SERPINB8: variants seen among roughly 807,000 people sequenced by gnomAD.
The protein encoded by SERPINB8 is serpin family B member 8, also known as serpin B8.
A neutral mutation model predicts 35.3 loss-of-function variants in SERPINB8; 25 were observed. That is an observed-to-expected ratio of 0.71 (90% CI 0.52 to 0.99). SERPINB8 has a LOEUF of 0.99. Among genes scored for constraint, SERPINB8 ranks in the 50% least tolerant of loss-of-function variants. SERPINB8 has a pLI of 0.00. For missense variants in SERPINB8, 484 were observed against 446.5 expected, an observed-to-expected ratio of 1.08 and a Z score of -0.76; for synonymous variants, 186 against 160.8, an observed-to-expected ratio of 1.16 and a Z score of -1.19.
At chr18:63,975,023 G>A (rs2050558811) in intron 1 of SERPINB8, among the ~76,000 whole-genome samples, 2 of 152,020 alleles carry the variant, frequency 1.3e-5, no homozygotes. Context: ...CAGTTAAAAT[G>A]TAAAGATGAG....
intron 5 of SERPINB8, among the ~76,000 whole-genome samples, chr18:63,984,361 C>T (rs910093807): frequency 1.3e-5 from 2 of 152,178 alleles, no homozygotes; most frequent in African/African-American, 2.4e-5. Flanking sequence ...TAGTTAGATA[C>T]CTTTTTGCAA....
chr18:63,980,245 A>T lies in SERPINB8; in HGVS notation c.306+307A>T, dbSNP rs1944268. On this transcript the variant is annotated intron_variant, in intron 3 of 6. Coordinates refer to ENST00000397985, the MANE Select transcript of SERPINB8 (RefSeq NM_002640.4). ...TGTACAGAGCTCCTCCCCAGTCCCA[A>T]GTGTGGTTATTCGGCTGCCTCCTGC... is the stretch of plus-strand genomic sequence containing the variant. Among the ~76,000 whole-genome samples the T allele has an allele frequency of 0.71, 107,910 of 152,038 alleles. 39,088 individuals are homozygous for T. The highest frequency in any genetic ancestry group is 0.84 in the African/African-American group (34,802 of 41,486).
Position 63,994,545 on chromosome 18 carries a change from C to G in SERPINB8, c.70+9300C>G, listed in dbSNP as rs142413062. Among the ~76,000 whole-genome samples the G allele has an allele frequency of 5.9e-5, 9 of 152,214 alleles. 2 individuals carry two copies. Among genetic ancestry groups the G allele is most frequent in the African/African-American group, 2.2e-4 (9 of 41,536 alleles). ...GGTGCCAGTGGACCCCGCAGGGCACCCTTAGAGTGTGCTAATGTGTTGTTT... is the reference window on the plus strand; with the variant it reads ...GGTGCCAGTGGACCCCGCAGGGCACGCTTAGAGTGTGCTAATGTGTTGTTT... On this transcript the variant is annotated intron_variant, in intron 1 of 1. Coordinates refer to the SERPINB8 transcript ENST00000493661.
downstream of SERPINB8, among the ~76,000 whole-genome samples, chr18:64,007,471 T>C (rs550015411): frequency 2.8e-4 from 43 of 152,322 alleles, no homozygotes; most frequent in African/African-American, 1.0e-3. Context: ...ACTCTTCAAC[T>C]AATTTTATAA....
At chr18:63,992,947 T>C (rs483842), downstream of SERPINB8, among the ~76,000 whole-genome samples, 31,600 of 152,086 alleles carry the variant, frequency 0.21, 4,362 homozygotes, top group African/African-American at 0.4. Flanking sequence ...AGTAGATAAC[T>C]TCAAGGAGCC....
downstream of SERPINB8, among the ~76,000 whole-genome samples, chr18:64,006,984 A>G (rs1030543332): frequency 6.6e-6 from 1 of 152,118 alleles, no homozygotes; most frequent in African/African-American, 2.4e-5. Context: ...AAATAAAAGA[A>G]GATACTTATG....
chr18:64,009,156 A>T (rs1020850171), downstream of SERPINB8, among the ~76,000 whole-genome samples: 1 of 152,226 alleles, frequency 6.6e-6, no homozygotes, highest in African/African-American at 2.4e-5. Flanking sequence ...CAAGATTGTT[A>T]TGTTGAAAAT....
At position 63,989,218 on chromosome 18, in the gene SERPINB8, G is replaced by T. The variant is rs1001007362; in HGVS notation, c.*1940G>T. The T allele has an allele frequency of 6.6e-6, 1 of 152,182 alleles. No individual in the cohort carries two copies. The highest frequency in any genetic ancestry group is 1.5e-5 in the Non-Finnish European group (1 of 68,030). The allele number at this position is 152,182 out of a possible 1,614,324, so 9.4% of individuals were successfully genotyped here. A position where few individuals can be genotyped will look rare whatever the true frequency, so the allele number is the denominator to read the frequency against. ...TTGAGATTCATTTATGTTATTGTAT[G>T]TATCAATAGTTCATCCCTTTTATTG... On this transcript the variant is annotated 3_prime_UTR_variant, in exon 7 of 7. Transcript: ENST00000397985.
At chr18:64,004,709 G>A (rs940236355) in intron 1 of SERPINB8, 1 of 396,562 alleles carries the variant, frequency 2.5e-6, no homozygotes, top group Non-Finnish European at 4.4e-6. Context: ...ATCTAGCAAT[G>A]GTGCCACACT....
At chr18:64,010,751 A>T (rs777880289) in intron 7 of SERPINB8, among the ~76,000 whole-genome samples, 1 of 152,086 alleles carries the variant, frequency 6.6e-6, no homozygotes, top group Non-Finnish European at 1.5e-5. Context: ...ACTGATCATT[A>T]TGTTTTTTTA....
At chr18:64,018,228 A>G (rs1314056616) in intron 7 of SERPINB8, among the ~76,000 whole-genome samples, 3 of 152,118 alleles carry the variant, frequency 2.0e-5, no homozygotes, top group East Asian at 1.9e-4. Flanking sequence ...CAATGTAACA[A>G]TGATCAACTT....
At chr18:63,973,879 G>A (rs1372486963) in intron 1 of SERPINB8, among the ~76,000 whole-genome samples, 1 of 152,164 alleles carries the variant, frequency 6.6e-6, no homozygotes, top group Non-Finnish European at 1.5e-5. Context: ...ATGCTGTTTT[G>A]GTTACTGAAG....
intron 1 of SERPINB8, among the ~76,000 whole-genome samples, 186 bp from the exon 2 acceptor site, chr18:63,978,113 C>T (rs1342716637): frequency 6.6e-6 from 1 of 152,170 alleles, no homozygotes; most frequent in East Asian, 1.9e-4. Context: ...AACTGAATAC[C>T]ATTTGCAAAG....
intron 1 of SERPINB8, among the ~76,000 whole-genome samples, chr18:64,001,869 T>C (rs575262618): frequency 1.3e-4 from 20 of 152,314 alleles, no homozygotes; most frequent in South Asian, 4.1e-4. Flanking sequence ...GGATTCTGGC[T>C]ACTTTGAAGG....
chr18:63,987,485 T>G lies in SERPINB8; in HGVS notation c.*207T>G, dbSNP rs2050779800. 5.1e-6 allele frequency: 3 copies of G among 584,102 alleles called. No homozygotes were observed. The East Asian group carries it at 8.8e-5, about 17-fold the overall frequency. The allele number at this position is 584,102 out of a possible 1,614,324, so 36.2% of individuals were successfully genotyped here. A position where few individuals can be genotyped will look rare whatever the true frequency, so the allele number is the denominator to read the frequency against. On this transcript the variant is annotated 3_prime_UTR_variant, in exon 7 of 7. Coordinates refer to ENST00000397985, the MANE Select transcript of SERPINB8 (RefSeq NM_002640.4). Reference sequence around the variant, plus strand: ...ATGAAATTTGGGCCTGGGAAGGCTATGCTGGTTTTGGAGTGTTTGGGGTGC... The same window carrying G: ...ATGAAATTTGGGCCTGGGAAGGCTAGGCTGGTTTTGGAGTGTTTGGGGTGC...
downstream of SERPINB8, among the ~76,000 whole-genome samples, chr18:64,008,866 T>C (rs1418414042): frequency 6.6e-6 from 1 of 152,100 alleles, no homozygotes; most frequent in Non-Finnish European, 1.5e-5. Context: ...GAAGGGTGAA[T>C]TAACGAACCC....
chr18:64,000,794 C>A (rs763260121), intron 1 of SERPINB8, among the ~76,000 whole-genome samples: 1 of 152,322 alleles, frequency 6.6e-6, no homozygotes, highest in East Asian at 1.9e-4. Flanking sequence ...CCCCTGCCCC[C>A]ACAAATGAAT....
chr18:63,973,618 G>T (rs192031126), intron 1 of SERPINB8, among the ~76,000 whole-genome samples: 1 of 152,270 alleles, frequency 6.6e-6, no homozygotes, highest in East Asian at 1.9e-4. Flanking sequence ...GGTTTTTATG[G>T]TTTTAGGTCT....
chr18:64,010,317 G>T (rs2050920274), downstream of SERPINB8, among the ~76,000 whole-genome samples: 1 of 152,128 alleles, frequency 6.6e-6, no homozygotes, highest in Admixed American at 6.6e-5. Context: ...GTGGGAACAG[G>T]CATTGGTAAA....
Sources: gnomAD v4.1 joint callset for allele counts (sites outside exome capture counted in the v4.1 genomes callset) on GRCh38, gnomAD v4.1.1 for gene constraint, MANE v1.5 for transcripts, NCBI Gene and HGNC (gene_info 2026-07-23, HGNC 2026-07-21) for gene names.